Variants in CADM2 observed in about 807,000 individuals in gnomAD.
CADM2 encodes the protein cell adhesion molecule 2, also known as immunoglobulin superfamily member 4D.
A neutral mutation model predicts 49.8 loss-of-function variants in CADM2; 12 were observed. The observed-to-expected ratio is 0.24, with a 90% CI of 0.15 to 0.39. The LOEUF (loss-of-function observed/expected upper bound fraction) is 0.39, where lower values mean the gene tolerates loss of function less well. CADM2 is among the 10% of genes least tolerant of loss of function. The probability of loss-of-function intolerance (pLI) is 1.00; values close to 1 mark genes in which losing one functional copy is unlikely to be tolerated. For synonymous variants in CADM2, 214 were observed against 175.4 expected (o/e 1.22, Z -1.74); for missense variants, 378 against 492.3 (o/e 0.77, Z 2.20).
intron 1 of CADM2, among the ~76,000 whole-genome samples, chr3:84,984,476 A>G (rs1260621430): frequency 2.7e-5 from 4 of 145,848 alleles, no homozygotes. Context: ...TTTCACCTCT[A>G]TTGCCATAAC....
In CADM2 at chr3:85,006,931, T is replaced by C. The variant is rs542543851; in HGVS notation, c.61+47263T>C. On this transcript the variant is annotated intron_variant, in intron 1 of 9. Coordinates refer to ENST00000383699, the MANE Select transcript of CADM2 (RefSeq NM_001167675.2). ...ATCTTGACCATTATACATTCGTGCATTGATTATCCCTTAGGGTATTTTCCA... is the reference window on the plus strand; with the variant it reads ...ATCTTGACCATTATACATTCGTGCACTGATTATCCCTTAGGGTATTTTCCA... 1.6e-3 allele frequency among the ~76,000 whole-genome samples: 240 copies of C among 152,208 alleles called. 2 individuals carry two copies. The highest frequency in any genetic ancestry group is 2.8e-3 in the Non-Finnish European group (190 of 68,012).
At chr3:85,362,754 G>C (rs994421663) in intron 1 of CADM2, among the ~76,000 whole-genome samples, 2 of 152,058 alleles carry the variant, frequency 1.3e-5, no homozygotes, top group African/African-American at 4.8e-5. Context: ...TGCATTTGTT[G>C]TCACTGCAGG....
At chr3:85,978,413 T>C (rs987950136) in intron 8 of CADM2, among the ~76,000 whole-genome samples, 2 of 151,634 alleles carry the variant, frequency 1.3e-5, no homozygotes, top group African/African-American at 4.8e-5. Flanking sequence ...ATATGTTCAG[T>C]AACCCCTCCT....
rs192298571 is a variant in CADM2, at chr3:85,316,344, A to C, written c.61+356676A>C. ...GAATATATAAGTTGAGTTGTGATTA[A>C]ATTGTGAAGCAGAATCACAGGTTAG... On this transcript the variant is annotated intron_variant, in intron 1 of 9. Coordinates refer to ENST00000383699, the MANE Select transcript of CADM2 (RefSeq NM_001167675.2). Among the ~76,000 whole-genome samples, 275 of 152,276 alleles carry C rather than the reference A, an allele frequency of 1.8e-3. 1 individual carries two copies. The highest frequency in any genetic ancestry group is 6.3e-3 in the African/African-American group (263 of 41,548).
intron 1 of CADM2, among the ~76,000 whole-genome samples, chr3:85,196,881 A>G (rs1032200464): frequency 3.3e-5 from 5 of 151,974 alleles, no homozygotes; most frequent in Admixed American, 6.6e-5. Flanking sequence ...TCTTGCTTCA[A>G]TTCCCTGGTA....
chr3:85,730,137 T>C (rs542706406), intron 2 of CADM2, among the ~76,000 whole-genome samples: 1 of 152,276 alleles, frequency 6.6e-6, no homozygotes, highest in East Asian at 1.9e-4. Context: ...CATGAATCCT[T>C]ATTCTTTGAA....
chr3:85,098,800 T>G (rs2037902444), intron 1 of CADM2, among the ~76,000 whole-genome samples: 1 of 152,204 alleles, frequency 6.6e-6, no homozygotes, highest in South Asian at 2.1e-4. Flanking sequence ...GCTGTATTTT[T>G]GATCCATGTT....
rs550723768 is a variant in CADM2 at position 84,959,628 on chromosome 3, C to T, written c.21C>T (p.Ala7=). The change falls in exon 1 of 10, where the codon GCC becomes GCT. Residue 7 remains alanine (A), a synonymous_variant. Coordinates refer to ENST00000383699, the MANE Select transcript of CADM2 (RefSeq NM_001167675.2). ...GGACCATGATTTGGAAACGCAGCGCCGTTCTCCGCTTCTACAGTGTCTGCG... is the reference window on the plus strand; with the variant it reads ...GGACCATGATTTGGAAACGCAGCGCTGTTCTCCGCTTCTACAGTGTCTGCG... MIWKRS[A]VLRFYSVCGL... is the part of the protein sequence containing the mutation. 3.9e-4 allele frequency: 600 copies of T among 1,537,124 alleles called. 1 individual carries two copies. Among genetic ancestry groups the T allele is most frequent in the Non-Finnish European group, 4.9e-4 (566 of 1,146,882 alleles).
At chr3:85,976,117 AT>A (rs1726745675) in intron 8 of CADM2, among the ~76,000 whole-genome samples, 1 of 151,584 alleles carries the variant, frequency 6.6e-6, no homozygotes, top group Non-Finnish European at 1.5e-5. Context: ...CATGTATATA[AT>A]TTCTCTGCGT....
At chr3:85,543,833 G>T (rs6777456) in intron 1 of CADM2, among the ~76,000 whole-genome samples, 77,351 of 151,416 alleles carry the variant, frequency 0.51, 22,778 homozygotes, top group East Asian at 0.85. Flanking sequence ...AAATCATCAT[G>T]AATTGAACAT....
intron 1 of CADM2, among the ~76,000 whole-genome samples, chr3:85,357,943 C>T (rs537865618): frequency 1.3e-5 from 2 of 152,136 alleles, no homozygotes; most frequent in East Asian, 3.9e-4. Context: ...GAATCATGGC[C>T]GTAGGTGGAC....
intron 5 of CADM2, among the ~76,000 whole-genome samples, chr3:85,890,106 A>G (rs981231125): frequency 7.2e-5 from 11 of 152,160 alleles, no homozygotes; most frequent in African/African-American, 2.7e-4. Context: ...AAATCACAGA[A>G]GCATCTGTGG....
In CADM2 at chr3:85,003,790, A is replaced by G. The variant is rs958413665; in HGVS notation, c.61+44122A>G. On this transcript the variant is annotated intron_variant, in intron 1 of 9. Transcript: ENST00000383699. ...ATAATGAAAACCCTATTTTTAAAGT[A>G]TTAGTCCTGGAAAGGGGATGGAAAT... Among the ~76,000 whole-genome samples the G allele has an allele frequency of 7.2e-5, 11 of 152,116 alleles. No homozygotes were observed. The East Asian group carries it at 1.7e-3, about 24-fold the overall frequency.
intron 1 of CADM2, among the ~76,000 whole-genome samples, chr3:84,986,769 A>T (rs73137672): frequency 0.047 from 7,180 of 151,700 alleles, 215 homozygotes; most frequent in Admixed American, 0.09. Context: ...TAAAATAAAA[A>T]AAAAAGAAGC....
chr3:86,053,994 G>C (rs2107341620), intron 8 of CADM2, among the ~76,000 whole-genome samples: 1 of 152,046 alleles, frequency 6.6e-6, no homozygotes, highest in East Asian at 1.9e-4. Flanking sequence ...TGAAAACTAA[G>C]GTAGAGGGAG....
At chr3:85,146,448 C>T (rs2039743838) in intron 1 of CADM2, among the ~76,000 whole-genome samples, 1 of 151,988 alleles carries the variant, frequency 6.6e-6, no homozygotes, top group South Asian at 2.1e-4. Context: ...GCAAATCATT[C>T]TTTAATGGTA....
At position 85,122,024 on chromosome 3, in the gene CADM2, CT is replaced by C. The variant is rs549013777; in HGVS notation, c.61+162366del. Among the ~76,000 whole-genome samples, 581 of 147,872 alleles carry C rather than the reference CT, an allele frequency of 3.9e-3. 3 individuals are homozygous for C. The highest frequency in any genetic ancestry group is 0.017 in the East Asian group (88 of 5,042). Reference sequence around the variant, plus strand: ...TTTTCACTTTTACATTTGATCTCATCTTTTTTTTTTGTCAACAGCTACATTA... The same window carrying C: ...TTTTCACTTTTACATTTGATCTCATCTTTTTTTTTGTCAACAGCTACATTA... On this transcript the variant is annotated intron_variant, in intron 1 of 9. Transcript: ENST00000383699.
At chr3:85,320,890 T>C (rs2044580890) in intron 1 of CADM2, among the ~76,000 whole-genome samples, 1 of 151,028 alleles carries the variant, frequency 6.6e-6, no homozygotes, top group Non-Finnish European at 1.5e-5. Flanking sequence ...ACACTGAAAA[T>C]GAAAATAAAA....
intron 7 of CADM2, among the ~76,000 whole-genome samples, chr3:85,956,774 A>G (rs943949397): frequency 2.0e-5 from 3 of 151,566 alleles, no homozygotes; most frequent in Non-Finnish European, 4.4e-5. Flanking sequence ...ATTTAACTAC[A>G]TATTTACAGA....
Sources: allele counts gnomAD v4.1 joint callset (sites outside exome capture counted in the v4.1 genomes callset), GRCh38; gene constraint gnomAD v4.1.1; transcripts MANE v1.5; gene names NCBI Gene and HGNC (gene_info 2026-07-23, HGNC 2026-07-21).